Variants in PELI2 observed in about 807,000 individuals in gnomAD.
PELI2 encodes the protein E3 ubiquitin-protein ligase pellino homolog 2.
PELI2 carries 23 observed loss-of-function variants against 42.3 expected under a neutral mutation model. That is an observed-to-expected ratio of 0.54 (90% CI 0.39 to 0.77). The LOEUF is 0.77. Among genes scored for constraint, PELI2 ranks in the 30% least tolerant of loss-of-function variants. The pLI is 0.00. For missense variants in PELI2, 463 were observed against 553.2 expected (o/e 0.84, Z 1.64); for synonymous variants, 245 against 212.2 (o/e 1.15, Z -1.34).
At chr14:56,190,431 T>G (rs545534610) in intron 2 of PELI2, among the ~76,000 whole-genome samples, 1 of 152,354 alleles carries the variant, frequency 6.6e-6, no homozygotes, top group East Asian at 1.9e-4. Context: ...ATGTAGAGTT[T>G]GATGAATTTT....
chr14:56,173,923 A>T (rs1885271487), intron 1 of PELI2, among the ~76,000 whole-genome samples: 1 of 152,120 alleles, frequency 6.6e-6, no homozygotes, highest in African/African-American at 2.4e-5. Context: ...TTCTTTTGAG[A>T]CTGAGTCTTG....
intron 1 of PELI2, among the ~76,000 whole-genome samples, chr14:56,135,127 A>C (rs115133303): frequency 0.018 from 2,773 of 152,262 alleles, 87 homozygotes; most frequent in African/African-American, 0.064. Flanking sequence ...GCAACCCCAG[A>C]GCTGTAGTAT....
chr14:56,264,203 T>C lies in PELI2; in HGVS notation c.208-15473T>C, dbSNP rs1337926801. ...GTTCTCATACTGTCAACAAGTGTTCTTTGCATGGTATATTTAGTGCTAAGT... is the reference window on the plus strand; with the variant it reads ...GTTCTCATACTGTCAACAAGTGTTCCTTGCATGGTATATTTAGTGCTAAGT... On this transcript the variant is annotated intron_variant, in intron 2 of 5. Coordinates refer to ENST00000267460, the MANE Select transcript of PELI2 (RefSeq NM_021255.3). Among the ~76,000 whole-genome samples, 3 of 152,182 alleles carry C rather than the reference T, an allele frequency of 2.0e-5. No homozygotes were observed. In the East Asian group the frequency reaches 5.8e-4, roughly 29 times the overall value.
chr14:56,292,867 T>C (rs1039872617), intron 5 of PELI2: 77 of 917,846 alleles, frequency 8.4e-5, no homozygotes, highest in Non-Finnish European at 9.8e-5. Context: ...TGATAACATA[T>C]GGTAACATTT....
chr14:56,214,414 A>G lies in PELI2; in HGVS notation c.207+35950A>G, dbSNP rs184382864. Among the ~76,000 whole-genome samples the G allele has an allele frequency of 5.4e-4, 82 of 152,262 alleles. 1 individual carries two copies. The East Asian group carries it at 0.015, about 28-fold the overall frequency. On this transcript the variant is annotated intron_variant, in intron 2 of 5. Coordinates refer to ENST00000267460, the MANE Select transcript of PELI2 (RefSeq NM_021255.3). ...CAGGTTGGATTGATTGGGTTTAGGA[A>G]GTATTGTTTAGAATATCTACAAATG...
chr14:56,192,357 A>G (rs6573085), intron 2 of PELI2, among the ~76,000 whole-genome samples: 26,195 of 152,090 alleles, frequency 0.17, 3,989 homozygotes, highest in African/African-American at 0.41. Context: ...AAGGTTTAGG[A>G]ATATTATTTC....
intron 2 of PELI2, among the ~76,000 whole-genome samples, chr14:56,206,168 A>G (rs1020042155): frequency 2.0e-5 from 3 of 152,230 alleles, no homozygotes; most frequent in African/African-American, 7.2e-5. Flanking sequence ...TGGTAACTTC[A>G]GGAGCTTTCT....
chr14:56,141,960 G>T (rs780540886), intron 1 of PELI2, among the ~76,000 whole-genome samples: 2 of 152,170 alleles, frequency 1.3e-5, no homozygotes, highest in Non-Finnish European at 2.9e-5. Context: ...GGTGTTGCTT[G>T]TGGCTATTCA....
At chr14:56,144,992 G>T in intron 1 of PELI2, 1 of 983,096 alleles carries the variant, frequency 1.0e-6, no homozygotes. Context: ...GTTAGAAAAA[G>T]ACCAAAAGGT....
intron 1 of PELI2, among the ~76,000 whole-genome samples, chr14:56,161,249 C>G (rs1290116280): frequency 6.6e-6 from 1 of 151,226 alleles, no homozygotes. Context: ...GTTGTGCTTT[C>G]TAAGTCCTTT....
rs561698489 is a variant in PELI2, at chr14:56,169,542, G to A, written c.78-8793G>A. Among the ~76,000 whole-genome samples the A allele has an allele frequency of 8.5e-5, 13 of 152,314 alleles. No individual in the cohort carries two copies. The East Asian group carries it at 2.1e-3, about 25-fold the overall frequency. On this transcript the variant is annotated intron_variant, in intron 1 of 5. Coordinates refer to ENST00000267460, the MANE Select transcript of PELI2 (RefSeq NM_021255.3). The stretch of plus-strand genomic sequence containing the variant: ...CTCCCAGAGAAGCTCTTAGCACTAG[G>A]CTTGTTGCTGCTGCGTGGGGTGTGG...
chr14:56,131,375 A>C (rs1883475731), intron 1 of PELI2, among the ~76,000 whole-genome samples: 1 of 152,250 alleles, frequency 6.6e-6, no homozygotes, highest in Admixed American at 6.5e-5. Context: ...GGTGAGGTAC[A>C]TATGACCCAG....
chr14:56,125,478 C>T (rs182759157), intron 1 of PELI2, among the ~76,000 whole-genome samples: 1 of 151,984 alleles, frequency 6.6e-6, no homozygotes, highest in Non-Finnish European at 1.5e-5. Flanking sequence ...TCCTTTTGGA[C>T]AAAATAATCA....
chr14:56,278,087 G>A (rs1889353731), intron 2 of PELI2, among the ~76,000 whole-genome samples: 1 of 152,146 alleles, frequency 6.6e-6, no homozygotes, highest in Non-Finnish European at 1.5e-5. Context: ...TAAATTGAAT[G>A]CATTTAAAAT....
intron 2 of PELI2, among the ~76,000 whole-genome samples, chr14:56,270,045 T>C (rs1361874176): frequency 1.3e-5 from 2 of 152,224 alleles, no homozygotes; most frequent in African/African-American, 4.8e-5. Flanking sequence ...CTGTGCTTGC[T>C]GATAGATTGA....
At chr14:56,121,262 T>C (rs1229785752) in intron 1 of PELI2, among the ~76,000 whole-genome samples, 1 of 152,058 alleles carries the variant, frequency 6.6e-6, no homozygotes, top group African/African-American at 2.4e-5. Flanking sequence ...AATGGTTATG[T>C]GACTGTCCTT....
chr14:56,216,315 C>G (rs921305221), intron 2 of PELI2, among the ~76,000 whole-genome samples: 6 of 152,232 alleles, frequency 3.9e-5, no homozygotes, highest in African/African-American at 1.4e-4. Context: ...TGTTTTCTAT[C>G]TTCTAAGCCA....
In PELI2 at chr14:56,197,423, A is replaced by G. The variant is rs1886167407; in HGVS notation, c.207+18959A>G. Among the ~76,000 whole-genome samples the G allele has an allele frequency of 6.6e-6, 1 of 152,102 alleles. No individual in the cohort carries two copies. Among genetic ancestry groups the G allele is most frequent in the Non-Finnish European group, 1.5e-5 (1 of 68,030 alleles). ...CTTGGGATGAGATGAGGGTACAGTCAAGTCTTGTTCATGGGCCTTGGCTTT... is the reference window on the plus strand; with the variant it reads ...CTTGGGATGAGATGAGGGTACAGTCGAGTCTTGTTCATGGGCCTTGGCTTT... On this transcript the variant is annotated intron_variant, in intron 2 of 5. Transcript: ENST00000267460. This position sits in a 1 kb window ranked among gnomAD's most constrained non-coding sequence, Gnocchi z 4.9.
intron 1 of PELI2, among the ~76,000 whole-genome samples, chr14:56,126,624 G>GC (rs768754506): frequency 2.0e-5 from 3 of 152,166 alleles, no homozygotes; most frequent in South Asian, 2.1e-4. Flanking sequence ...GACCTCGGTG[G>GC]CCCCCCTCCT....
Sources: gnomAD v4.1 joint callset for allele counts (sites outside exome capture counted in the v4.1 genomes callset) on GRCh38, gnomAD v4.1.1 for gene constraint, Gnocchi (gnomAD v3.1) non-coding constraint, MANE v1.5 for transcripts, NCBI Gene and HGNC (gene_info 2026-07-23, HGNC 2026-07-21) for gene names.